The following REL variants were observed in gnomAD, a reference collection of about 807,000 sequenced individuals.
REL encodes proto-oncogene c-Rel.
Under a neutral mutation model 45.9 loss-of-function variants are expected in REL, and 15 were observed. That is an observed-to-expected ratio of 0.33 (90% CI 0.22 to 0.50). The LOEUF (loss-of-function observed/expected upper bound fraction) is 0.50. REL is among the 20% of genes least tolerant of loss of function. REL has a pLI of 0.98. For synonymous variants in REL, 239 were observed against 242.1 expected, an observed-to-expected ratio of 0.99 and a Z score of 0.12; for missense variants, 601 against 715.2, an observed-to-expected ratio of 0.84 and a Z score of 1.82.
At chr2:60,907,178 C>G (rs547781799) in intron 4 of REL, among the ~76,000 whole-genome samples, 7 of 151,648 alleles carry the variant, frequency 4.6e-5, no homozygotes, top group Non-Finnish European at 1.0e-4. Context: ...CCTTGGCCTC[C>G]CAGAGTACTG....
Position 60,924,545 on chromosome 2 carries a change from T to A in REL, c.*2010T>A. On this transcript the variant is annotated 3_prime_UTR_variant, in exon 10 of 10. Coordinates refer to ENST00000394479, the MANE Select transcript of REL (RefSeq NM_001291746.2). ...GGAATAATAATGGTCATCCAAATTG[T>A]TTGAAAGGAAAATAATCCCAGTGGC... is the stretch of plus-strand genomic sequence containing the variant. 1 of 215,140 alleles carries A rather than the reference T, an allele frequency of 4.6e-6. No homozygotes were observed. The highest frequency in any genetic ancestry group is 9.4e-6 in the Non-Finnish European group (1 of 106,766). The allele number at this position is 215,140 out of a possible 1,614,324, so 13.3% of individuals were successfully genotyped here.
At chr2:60,902,953 A>G (rs1673537536) in intron 4 of REL, among the ~76,000 whole-genome samples, 1 of 152,208 alleles carries the variant, frequency 6.6e-6, no homozygotes. Flanking sequence ...TCCACTGAAT[A>G]TACACTGTGA....
chr2:60,886,362 A>G (rs1219268299), intron 1 of REL, among the ~76,000 whole-genome samples: 1 of 152,218 alleles, frequency 6.6e-6, no homozygotes. Context: ...ATCTTCTTAA[A>G]TTAAGTTGCA....
rs1176742580 is a variant in REL at position 60,922,505 on chromosome 2, C to T, written c.1734C>T (p.Asp578=). The part of the protein sequence containing the change: ...IGSMQNEQLS[D]SFPYEFFQV ...GTATGCAAAATGAGCAATTGAGTGA[C>T]TCCTTTCCATATGAATTTTTTCAAG... is the stretch of plus-strand genomic sequence containing the variant. Residue 578 remains aspartate (D), a synonymous_variant, in exon 10 of 10, where the codon GAC becomes GAT. Transcript: ENST00000394479. 4 of 1,604,506 alleles carry T rather than the reference C, an allele frequency of 2.5e-6. No individual in the cohort carries two copies. The highest frequency in any genetic ancestry group is 1.7e-5 in the Admixed American group (1 of 58,514).
chr2:60,921,894 C>T lies in REL; in HGVS notation c.1123C>T (p.Leu375=), dbSNP rs1383124463. The change falls in exon 10 of 10, where the codon CTG becomes TTG. Residue 375 remains leucine (L), a synonymous_variant. Coordinates refer to ENST00000394479, the MANE Select transcript of REL (RefSeq NM_001291746.2). ...GLSHHASMAP[L]PSSSWSSVAH... ...GTCACATCATGCCTCAATGGCACCT[C>T]TGCCTTCTTCAAGCTGGTCATCAGT... 2 of 1,614,154 alleles carry T rather than the reference C, an allele frequency of 1.2e-6. No homozygotes were observed. Among genetic ancestry groups the T allele is most frequent in the Admixed American group, 1.7e-5 (1 of 60,022 alleles).
Position 60,929,613 on chromosome 2 carries a change from T to C in REL, c.*7078T>C, listed in dbSNP as rs887211320. 8 of 145,096 alleles carry C rather than the reference T, an allele frequency of 5.5e-5. No homozygotes were observed. In the East Asian group the frequency reaches 6.2e-4, roughly 11 times the overall value. 9.0% of individuals were successfully genotyped at this position (145,096 alleles called of 1,614,324 possible). On this transcript the variant is annotated 3_prime_UTR_variant, in exon 10 of 10. Transcript: ENST00000394479. ...ACATATTCTCACTCATAGGTGGGAATTGAACAATGAGAACACATGGACACA... is the reference window on the plus strand; with the variant it reads ...ACATATTCTCACTCATAGGTGGGAACTGAACAATGAGAACACATGGACACA...
intron 4 of REL, among the ~76,000 whole-genome samples, chr2:60,907,169 C>T (rs1050898466): frequency 6.6e-6 from 1 of 151,718 alleles, no homozygotes; most frequent in African/African-American, 2.4e-5. Flanking sequence ...ATCCGCCCAC[C>T]TTGGCCTCCC....
At chr2:60,883,387 T>C (rs1322560531) in intron 1 of REL, among the ~76,000 whole-genome samples, 1 of 152,238 alleles carries the variant, frequency 6.6e-6, no homozygotes, top group East Asian at 1.9e-4. Flanking sequence ...ATACTAAGTG[T>C]AGTTTAAAAT....
intron 4 of REL, among the ~76,000 whole-genome samples, chr2:60,916,562 T>C (rs1673967071): frequency 6.6e-6 from 1 of 152,266 alleles, no homozygotes; most frequent in South Asian, 2.1e-4. Context: ...TGCCATTCTT[T>C]GTTGTGTACA....
intron 3 of REL, among the ~76,000 whole-genome samples, chr2:60,897,817 A>G (rs2103940110): frequency 6.6e-6 from 1 of 151,352 alleles, no homozygotes; most frequent in African/African-American, 2.4e-5. Flanking sequence ...GCTTGAGCCC[A>G]GGAGTTTGAG....
intron 3 of REL, among the ~76,000 whole-genome samples, chr2:60,898,593 C>T (rs1372014364): frequency 6.6e-6 from 1 of 152,060 alleles, no homozygotes; most frequent in South Asian, 2.1e-4. Context: ...AATGTATATC[C>T]ACTTGACCAG....
In REL at chr2:60,922,756, C is replaced by T; in HGVS notation, c.*221C>T. 8 of 1,141,002 alleles carry T rather than the reference C, an allele frequency of 7.0e-6. No individual in the cohort carries two copies. Among genetic ancestry groups the T allele is most frequent in the East Asian group, 4.5e-5 (1 of 22,324 alleles). The allele number at this position is 1,141,002 out of a possible 1,614,324, so 70.7% of individuals were successfully genotyped here. On this transcript the variant is annotated 3_prime_UTR_variant, in exon 10 of 10. Coordinates refer to ENST00000394479, the MANE Select transcript of REL (RefSeq NM_001291746.2). ...ATTGGAAGCTGTCATAAAAAGACAACTCAGAGGCCAGGCGCAGGGGCTCAC... is the reference window on the plus strand; with the variant it reads ...ATTGGAAGCTGTCATAAAAAGACAATTCAGAGGCCAGGCGCAGGGGCTCAC...
At position 60,908,411 on chromosome 2, in the gene REL, C is replaced by T. The variant is rs116420235; in HGVS notation, c.394+7328C>T. Among the ~76,000 whole-genome samples the T allele has an allele frequency of 9.9e-3, 1,501 of 152,168 alleles. 15 individuals are homozygous for T. Among genetic ancestry groups the T allele is most frequent in the Non-Finnish European group, 0.013 (899 of 67,990 alleles). ...AAACTAAGAAACAGTCTCTAGCAAA[C>T]GGGGCATAAAGCAGTCTAATACTGT... On this transcript the variant is annotated intron_variant, in intron 4 of 9. Coordinates refer to ENST00000394479, the MANE Select transcript of REL (RefSeq NM_001291746.2).
At chr2:60,894,929 TCA>T in intron 3 of REL, among the ~76,000 whole-genome samples, 2 of 147,228 alleles carry the variant, frequency 1.4e-5, no homozygotes, top group Admixed American at 1.4e-4. Flanking sequence ...CAATCTCGGC[TCA>T]CTGCAACCTC....
Position 60,926,972 on chromosome 2 carries a change from C to T in REL, c.*4437C>T, listed in dbSNP as rs1674282530. On this transcript the variant is annotated 3_prime_UTR_variant, in exon 10 of 10. Transcript: ENST00000394479. Reference sequence around the variant, plus strand: ...AAAAAAAACAATTCTCTCAGGCCTCCATACCTTTAGCATGTTACCCACTCT... The same window carrying T: ...AAAAAAAACAATTCTCTCAGGCCTCTATACCTTTAGCATGTTACCCACTCT... 1 of 227,278 alleles carries T rather than the reference C, an allele frequency of 4.4e-6. No individual in the cohort carries two copies. Among genetic ancestry groups the T allele is most frequent in the Non-Finnish European group, 8.8e-6 (1 of 114,160 alleles). 14.1% of individuals were successfully genotyped at this position (227,278 alleles called of 1,614,324 possible). A position where few individuals can be genotyped will look rare whatever the true frequency, so the allele number is the denominator to read the frequency against.
intron 4 of REL, among the ~76,000 whole-genome samples, chr2:60,904,706 T>G (rs1673594339): frequency 6.6e-6 from 1 of 151,878 alleles, no homozygotes; most frequent in Non-Finnish European, 1.5e-5. Flanking sequence ...CTGGGCAACA[T>G]GGTAAAACCC....
chr2:60,891,557 T>C, intron 1 of REL, 126 bp from the exon 2 acceptor site: 3 of 821,556 alleles, frequency 3.7e-6, no homozygotes, highest in Non-Finnish European at 5.5e-6. Context: ...TCGGTCTTGT[T>C]ATTTAATGTT....
rs553653943 is a variant in REL at position 60,925,056 on chromosome 2, G to A, written c.*2521G>A. ...TTTTATTTCCCAAAGACATTGTAAGGGTTAATTAGATCATTATATTTTATT... is the reference window on the plus strand; with the variant it reads ...TTTTATTTCCCAAAGACATTGTAAGAGTTAATTAGATCATTATATTTTATT... On this transcript the variant is annotated 3_prime_UTR_variant, in exon 10 of 10. Transcript: ENST00000394479. The A allele has an allele frequency of 2.2e-4, 43 of 198,374 alleles. No individual in the cohort carries two copies. The Middle Eastern group carries it at 0.011, about 51-fold the overall frequency. 12.3% of individuals were successfully genotyped at this position (198,374 alleles called of 1,614,324 possible). A position where few individuals can be genotyped will look rare whatever the true frequency, so the allele number is the denominator to read the frequency against.
At chr2:60,918,030 G>A (rs953723028) in intron 5 of REL, among the ~76,000 whole-genome samples, 161 bp from the exon 6 acceptor site, 1 of 152,120 alleles carries the variant, frequency 6.6e-6, no homozygotes, top group Non-Finnish European at 1.5e-5. Flanking sequence ...CAGTTAGAAA[G>A]GAAGTGGACA....
Sources: allele counts gnomAD v4.1 joint callset (sites outside exome capture counted in the v4.1 genomes callset), GRCh38; gene constraint gnomAD v4.1.1; transcripts MANE v1.5; gene names NCBI Gene and HGNC (gene_info 2026-07-23, HGNC 2026-07-21).